Variants in ATP2B1 observed in about 807,000 individuals in gnomAD.
The protein encoded by ATP2B1 is plasma membrane calcium-transporting ATPase 1.
Under a neutral mutation model 124.2 loss-of-function variants are expected in ATP2B1, and 14 were observed. The observed-to-expected ratio is 0.11, with a 90% CI of 0.07 to 0.18. ATP2B1 has a LOEUF of 0.18. ATP2B1 is among the 10% of genes least tolerant of loss of function. ATP2B1 has a pLI of 1.00. For missense variants in ATP2B1, 763 were observed against 1,466.1 expected (o/e 0.52, Z 7.83); for synonymous variants, 449 against 492.4 (o/e 0.91, Z 1.17).
At chr12:89,685,981 G>A (rs117605464) in intron 1 of ATP2B1, among the ~76,000 whole-genome samples, 1,637 of 152,160 alleles carry the variant, frequency 0.011, 16 homozygotes, top group Admixed American at 0.018. Context: ...CCAAACTCCA[G>A]AACTATGAGA....
chr12:89,637,917 G>A (rs1461066542), intron 3 of ATP2B1, among the ~76,000 whole-genome samples: 5 of 152,064 alleles, frequency 3.3e-5, no homozygotes, highest in Non-Finnish European at 5.9e-5. Flanking sequence ...ATCTGACATG[G>A]ATATCCATCA....
intron 2 of ATP2B1, among the ~76,000 whole-genome samples, chr12:89,651,532 T>C (rs1212873842): frequency 6.6e-6 from 1 of 152,102 alleles, no homozygotes; most frequent in African/African-American, 2.4e-5. Flanking sequence ...CCTCCCAAAA[T>C]GCTAGGATTA....
chr12:89,635,354 A>AT, intron 3 of ATP2B1, 103 bp from the exon 4 acceptor site: 1 of 1,302,222 alleles, frequency 7.7e-7, no homozygotes, highest in Non-Finnish European at 1.0e-6. Flanking sequence ...ATGTTTATCA[A>AT]TTTTACTTAT....
In ATP2B1 at chr12:89,590,233, A is replaced by G. The variant is rs1873309467; in HGVS notation, c.*751T>C. 1 of 152,508 alleles carries G rather than the reference A, an allele frequency of 6.6e-6. No homozygotes were observed. Among genetic ancestry groups the G allele is most frequent in the Non-Finnish European group, 1.5e-5 (1 of 67,990 alleles). 9.4% of individuals were successfully genotyped at this position (152,508 alleles called of 1,614,324 possible). A position where few individuals can be genotyped will look rare whatever the true frequency, so the allele number is the denominator to read the frequency against. Reference sequence around the variant, plus strand: ...AAATGTATTTAAGAAACTAATTAGGACAGATGTCATAACTTCATTAGAACA... The same window carrying G: ...AAATGTATTTAAGAAACTAATTAGGGCAGATGTCATAACTTCATTAGAACA... On this transcript the variant is annotated 3_prime_UTR_variant, in exon 21 of 21. Coordinates refer to ENST00000428670, the MANE Select transcript of ATP2B1 (RefSeq NM_001366521.1).
chr12:89,637,869 G>C (rs912422242), intron 3 of ATP2B1, among the ~76,000 whole-genome samples: 5 of 152,126 alleles, frequency 3.3e-5, no homozygotes, highest in African/African-American at 1.2e-4. Context: ...TTAAGGAGGG[G>C]AAAGAATTAC....
At chr12:89,679,499 G>T (rs1429131701) in intron 1 of ATP2B1, among the ~76,000 whole-genome samples, 1 of 152,160 alleles carries the variant, frequency 6.6e-6, no homozygotes, top group Non-Finnish European at 1.5e-5. Context: ...AATGGCAGTA[G>T]CCTGATCCCA....
At chr12:89,640,491 A>C (rs1883339630) in intron 3 of ATP2B1, among the ~76,000 whole-genome samples, 1 of 152,184 alleles carries the variant, frequency 6.6e-6, no homozygotes, top group Admixed American at 6.5e-5. Flanking sequence ...GCTTCTAAGA[A>C]ACCTTAATCT....
At position 89,604,284 on chromosome 12, in the gene ATP2B1, A is replaced by G. The variant is rs1876419184; in HGVS notation, c.2505T>C (p.Phe835=). 1.2e-6 allele frequency: 2 copies of G among 1,613,762 alleles called. No individual in the cohort carries two copies. Reference sequence around the variant, plus strand: ...ACATAACTGCTTTAACAATGCTTGTAAAGTTGTCATCTGTGAGAATAATAT... The same window carrying G: ...ACATAACTGCTTTAACAATGCTTGTGAAGTTGTCATCTGTGAGAATAATAT... ...ASDIILTDDN[F]TSIVKAVMWG... Residue 835 remains phenylalanine, a synonymous_variant, in exon 16 of 21, where the codon TTT becomes TTC. Coordinates refer to ENST00000428670, the MANE Select transcript of ATP2B1 (RefSeq NM_001366521.1).
At chr12:89,693,523 T>C (rs769210426) in intron 1 of ATP2B1, among the ~76,000 whole-genome samples, 4 of 152,192 alleles carry the variant, frequency 2.6e-5, no homozygotes, top group Non-Finnish European at 5.9e-5. Flanking sequence ...ACATTCCAGA[T>C]AGGAAGAGCA....
At position 89,678,379 on chromosome 12, in the gene ATP2B1, G is replaced by T. The variant is rs12310846; in HGVS notation, c.-221-22272C>A. The stretch of plus-strand genomic sequence containing the variant: ...CTGTCAGTGAGTGACATTCAGAGGT[G>T]CTCAATGACTAATGAGCCTGCAAAC... On this transcript the variant is annotated intron_variant, in intron 1 of 20. Transcript: ENST00000428670. Among the ~76,000 whole-genome samples the T allele has an allele frequency of 8.2e-3, 1,253 of 152,188 alleles. 16 individuals carry two copies. Among genetic ancestry groups the T allele is most frequent in the African/African-American group, 0.029 (1,201 of 41,514 alleles).
At chr12:89,690,106 A>G (rs1347338369) in intron 1 of ATP2B1, among the ~76,000 whole-genome samples, 1 of 152,108 alleles carries the variant, frequency 6.6e-6, no homozygotes, top group Admixed American at 6.6e-5. Context: ...ACTCTGTCCT[A>G]TATGCTGCTT....
chr12:89,627,263 A>C (rs1011277843), intron 7 of ATP2B1, among the ~76,000 whole-genome samples: 2 of 152,128 alleles, frequency 1.3e-5, no homozygotes, highest in Non-Finnish European at 1.5e-5. Context: ...CAAAATTATT[A>C]AAAATATTGT....
intron 1 of ATP2B1, among the ~76,000 whole-genome samples, chr12:89,702,117 C>G (rs1247579598): frequency 6.6e-6 from 1 of 152,188 alleles, no homozygotes; most frequent in East Asian, 1.9e-4. Context: ...GGACAAAACA[C>G]TAGCCACATT....
intron 1 of ATP2B1, among the ~76,000 whole-genome samples, chr12:89,666,652 T>C (rs1430933599): frequency 6.6e-6 from 1 of 152,192 alleles, no homozygotes; most frequent in Non-Finnish European, 1.5e-5. Flanking sequence ...TACCCCTGAA[T>C]AGACATACCA....
rs117651229 is a variant in ATP2B1, at chr12:89,703,741, G to A, written c.-222+4855C>T. Among the ~76,000 whole-genome samples, 532 of 152,112 alleles carry A rather than the reference G, an allele frequency of 3.5e-3. 1 individual carries two copies. The highest frequency in any genetic ancestry group is 6.8e-3 in the Middle Eastern group (2 of 294). ...AAAGACTGGGCATACATAGATAACAGAAATATTTTCAATTTATCAGTTCTA... is the reference window on the plus strand; with the variant it reads ...AAAGACTGGGCATACATAGATAACAAAAATATTTTCAATTTATCAGTTCTA... On this transcript the variant is annotated intron_variant, in intron 1 of 20. Coordinates refer to ENST00000428670, the MANE Select transcript of ATP2B1 (RefSeq NM_001366521.1).
At chr12:89,634,958 T>C in intron 4 of ATP2B1, 39 bp downstream of exon 4, 2 of 1,610,548 alleles carry the variant, frequency 1.2e-6, no homozygotes, top group Non-Finnish European at 1.7e-6. Context: ...AGTAATTTTA[T>C]GTTTAGTGTC....
chr12:89,706,788 G>T (rs1338896500), intron 1 of ATP2B1, among the ~76,000 whole-genome samples: 1 of 152,132 alleles, frequency 6.6e-6, no homozygotes, highest in Non-Finnish European at 1.5e-5. Flanking sequence ...GTGGCGCTCT[G>T]TCCTCAACTC....
chr12:89,604,412 TACAC>T, intron 15 of ATP2B1, 66 bp from the exon 16 acceptor site: 1 of 1,283,474 alleles, frequency 7.8e-7, no homozygotes, highest in Non-Finnish European at 1.1e-6. Context: ...AGTCAAAAAA[TACAC>T]ACTTAATAAA....
chr12:89,704,059 C>A (rs1399206802), intron 1 of ATP2B1, among the ~76,000 whole-genome samples: 3 of 152,132 alleles, frequency 2.0e-5, no homozygotes, highest in Non-Finnish European at 4.4e-5. Flanking sequence ...GGAACTAAAA[C>A]CTCCTCATTT....
Sources: gnomAD v4.1 joint callset for allele counts (sites outside exome capture counted in the v4.1 genomes callset) on GRCh38, gnomAD v4.1.1 for gene constraint, MANE v1.5 for transcripts, NCBI Gene and HGNC (gene_info 2026-07-23, HGNC 2026-07-21) for gene names.